Variants in PI4K2B observed in about 807,000 individuals in gnomAD.
PI4K2B encodes the protein phosphatidylinositol 4-kinase type 2 beta.
Under a neutral mutation model 56.6 loss-of-function variants are expected in PI4K2B, and 46 were observed. The ratio of observed to expected loss-of-function variants is 0.81; its 90% confidence interval spans 0.64 to 1.04. PI4K2B has a LOEUF of 1.04. Ranked by LOEUF, PI4K2B falls within the 50% of genes least tolerant of loss-of-function variation. The pLI is 0.00. For synonymous variants in PI4K2B, 211 were observed against 223.8 expected, an observed-to-expected ratio of 0.94 and a Z score of 0.51; for missense variants, 556 against 607.7, an observed-to-expected ratio of 0.91 and a Z score of 0.89.
At chr4:25,257,763 T>G (rs540509307) in intron 4 of PI4K2B, among the ~76,000 whole-genome samples, 56 of 152,326 alleles carry the variant, frequency 3.7e-4, no homozygotes, top group African/African-American at 1.3e-3. Flanking sequence ...GGCAGGAAGT[T>G]TGAAAGTTTT....
At position 25,245,889 on chromosome 4, in the gene PI4K2B, C is replaced by T. The variant is rs544458694; in HGVS notation, c.269-6432C>T. On this transcript the variant is annotated intron_variant, in intron 1 of 9. Coordinates refer to ENST00000264864, the MANE Select transcript of PI4K2B (RefSeq NM_018323.4). ...GCGAGTCTCACTGCTTGGCAATAGGCGATAGTCCCATCTGGGTCATCAAAA... is the reference window on the plus strand; with the variant it reads ...GCGAGTCTCACTGCTTGGCAATAGGTGATAGTCCCATCTGGGTCATCAAAA... Among the ~76,000 whole-genome samples, 111 of 152,108 alleles carry T rather than the reference C, an allele frequency of 7.3e-4. 2 individuals carry two copies. The South Asian group carries it at 0.021, about 29-fold the overall frequency.
At chr4:25,253,103 C>A (rs929029350) in intron 2 of PI4K2B, among the ~76,000 whole-genome samples, 1 of 152,136 alleles carries the variant, frequency 6.6e-6, no homozygotes. Flanking sequence ...CCTTAATAGC[C>A]AAACACGGTG....
intron 6 of PI4K2B, 36 bp from the exon 7 acceptor site, chr4:25,263,714 G>A: frequency 1.3e-6 from 1 of 750,740 alleles, no homozygotes; most frequent in Non-Finnish European, 2.3e-6. Flanking sequence ...ATTTATATAG[G>A]TTCTTTTATC....
Position 25,246,707 on chromosome 4 carries a change from G to T in PI4K2B, c.269-5614G>T, listed in dbSNP as rs1402458035. 2.0e-5 allele frequency among the ~76,000 whole-genome samples: 3 copies of T among 152,360 alleles called. No individual in the cohort carries two copies. In the East Asian group the frequency reaches 5.8e-4, roughly 29 times the overall value. ...TTGTTGGGGAGGCTCGGGCTGCACA[G>T]GAGCCCACGGCGGCGGGGGGAGGCT... is the stretch of plus-strand genomic sequence containing the variant. On this transcript the variant is annotated intron_variant, in intron 1 of 9. Coordinates refer to ENST00000264864, the MANE Select transcript of PI4K2B (RefSeq NM_018323.4).
intron 3 of PI4K2B, 145 bp from the exon 4 acceptor site, chr4:25,256,398 G>A (rs1053261826): frequency 1.2e-5 from 9 of 754,146 alleles, no homozygotes; most frequent in African/African-American, 1.1e-4. Context: ...AAAATTCCCT[G>A]GCTTTTCTGT....
At chr4:25,265,633 A>T (rs1473614149) in intron 7 of PI4K2B, among the ~76,000 whole-genome samples, 59 of 152,132 alleles carry the variant, frequency 3.9e-4, no homozygotes, top group Non-Finnish European at 1.0e-4. Flanking sequence ...TTGATCTTAA[A>T]ATTTCTACGT....
chr4:25,250,638 C>T (rs1266131401), intron 1 of PI4K2B: 1 of 152,178 alleles, frequency 6.6e-6, no homozygotes, highest in Non-Finnish European at 1.5e-5. Flanking sequence ...AACAAACCCC[C>T]AAGATAGAAG....
chr4:25,266,837 T>C (rs948362632), intron 7 of PI4K2B, among the ~76,000 whole-genome samples: 1 of 152,230 alleles, frequency 6.6e-6, no homozygotes, highest in African/African-American at 2.4e-5. Context: ...TAGTGTTTGC[T>C]ATTACTGAGG....
chr4:25,266,227 G>A (rs1560378422), intron 7 of PI4K2B, among the ~76,000 whole-genome samples: 1 of 152,156 alleles, frequency 6.6e-6, no homozygotes, highest in Non-Finnish European at 1.5e-5. Flanking sequence ...GATTGCAGTA[G>A]CATGCTCATA....
intron 1 of PI4K2B, among the ~76,000 whole-genome samples, chr4:25,240,857 C>A (rs1715486897): frequency 6.6e-6 from 1 of 151,848 alleles, no homozygotes; most frequent in South Asian, 2.1e-4. Flanking sequence ...CTCTCTGTTT[C>A]TTCCTCTCTC....
chr4:25,236,593 A>G (rs188330886), intron 1 of PI4K2B, among the ~76,000 whole-genome samples: 3 of 152,336 alleles, frequency 2.0e-5, no homozygotes, highest in Admixed American at 1.3e-4. Context: ...ACAGCAAGTT[A>G]GTTGTTATTC....
At position 25,238,889 on chromosome 4, in the gene PI4K2B, C is replaced by A. The variant is rs538053931; in HGVS notation, c.268+4458C>A. 1.2e-3 allele frequency among the ~76,000 whole-genome samples: 177 copies of A among 152,282 alleles called. 2 individuals are homozygous for A. The South Asian group carries it at 0.021, about 18-fold the overall frequency. On this transcript the variant is annotated intron_variant, in intron 1 of 9. Transcript: ENST00000264864. ...AGCCTGCTTTTATTCCCTTATCTGG[C>A]CCCACCCACATCCTGCTGATTGGTC...
intron 1 of PI4K2B, among the ~76,000 whole-genome samples, chr4:25,246,744 G>A (rs1274831890): frequency 1.3e-5 from 2 of 152,236 alleles, no homozygotes; most frequent in South Asian, 2.1e-4. Flanking sequence ...AGGCATGGCC[G>A]GCTGCAGGTC....
chr4:25,276,216 C>T (rs1165761630), intron 9 of PI4K2B: 2 of 157,100 alleles, frequency 1.3e-5, no homozygotes, highest in African/African-American at 4.8e-5. Context: ...TTTTATTTGA[C>T]CTGAACAGAG....
chr4:25,245,865 C>T (rs1260796583), intron 1 of PI4K2B, among the ~76,000 whole-genome samples: 2 of 151,656 alleles, frequency 1.3e-5, no homozygotes, highest in African/African-American at 4.9e-5. Flanking sequence ...CACTGCTTGG[C>T]GAGTCTCACT....
At chr4:25,261,483 G>T (rs916437808) in intron 6 of PI4K2B, among the ~76,000 whole-genome samples, 11 of 152,222 alleles carry the variant, frequency 7.2e-5, no homozygotes, top group Admixed American at 7.2e-4. Flanking sequence ...GTTTAAAACA[G>T]TTTGTACATT....
chr4:25,248,682 T>A (rs1173956835), intron 1 of PI4K2B, among the ~76,000 whole-genome samples: 1 of 152,030 alleles, frequency 6.6e-6, no homozygotes, highest in Non-Finnish European at 1.5e-5. Flanking sequence ...TGTATTCTGT[T>A]TTGAGTTTTT....
At position 25,260,611 on chromosome 4, in the gene PI4K2B, TA is replaced by T. The variant is rs757228341; in HGVS notation, c.978+21del. 3.4e-4 allele frequency: 73 copies of T among 215,634 alleles called. No homozygotes were observed. Among genetic ancestry groups the T allele is most frequent in the South Asian group, 1.3e-3 (9 of 6,850 alleles). The allele number at this position is 215,634 out of a possible 1,614,324, so 13.4% of individuals were successfully genotyped here. A position where few individuals can be genotyped will look rare whatever the true frequency, so the allele number is the denominator to read the frequency against. On this transcript the variant is annotated intron_variant, in intron 6 of 9. Coordinates refer to ENST00000264864, the MANE Select transcript of PI4K2B (RefSeq NM_018323.4). ...CATAAGGTAAGGAAATTTACAATTT[TA>T]TATATATATATATATATATATATAT...
At chr4:25,251,021 T>G (rs1716029205) in intron 1 of PI4K2B, among the ~76,000 whole-genome samples, 1 of 147,724 alleles carries the variant, frequency 6.8e-6, no homozygotes, top group Admixed American at 6.8e-5. Flanking sequence ...GGCGTAAAGG[T>G]GAAGAATGAA....
Sources: gnomAD v4.1 joint callset for allele counts (sites outside exome capture counted in the v4.1 genomes callset) on GRCh38, gnomAD v4.1.1 for gene constraint, MANE v1.5 for transcripts, NCBI Gene and HGNC (gene_info 2026-07-23, HGNC 2026-07-21) for gene names.